FOXP1: variants seen among roughly 807,000 people sequenced by gnomAD.
FOXP1 encodes the protein forkhead box protein P1.
A neutral mutation model predicts 98.2 loss-of-function variants in FOXP1; 15 were observed. That is an observed-to-expected ratio of 0.15 (90% CI 0.10 to 0.24). The LOEUF (loss-of-function observed/expected upper bound fraction) is 0.24. Among genes scored for constraint, FOXP1 ranks in the 10% least tolerant of loss-of-function variants. The probability of loss-of-function intolerance (pLI) is 1.00; values close to 1 mark genes in which losing one functional copy is unlikely to be tolerated. For missense variants in FOXP1, 633 were observed against 848.5 expected, an observed-to-expected ratio of 0.75 and a Z score of 3.15; for synonymous variants, 371 against 314.5, an observed-to-expected ratio of 1.18 and a Z score of -1.90.
At chr3:71,157,058 C>G (rs191028478) in intron 6 of FOXP1, among the ~76,000 whole-genome samples, 1 of 152,336 alleles carries the variant, frequency 6.6e-6, no homozygotes, top group African/African-American at 2.4e-5. Flanking sequence ...AGTGGAGGAG[C>G]ATACACTTCC....
At chr3:71,571,958 A>G (rs147083802) in intron 2 of FOXP1, 329 of 152,286 alleles carry the variant, frequency 2.2e-3, no homozygotes, top group African/African-American at 7.4e-3. Context: ...TCATCTAAGT[A>G]TATCTTTATT....
chr3:71,064,447 G>A (rs2052055981), intron 7 of FOXP1, among the ~76,000 whole-genome samples: 1 of 151,700 alleles, frequency 6.6e-6, no homozygotes, highest in African/African-American at 2.4e-5. Context: ...AAAATGAATC[G>A]CAAACGAAAA....
At chr3:71,507,977 T>C (rs1367904058) in intron 2 of FOXP1, among the ~76,000 whole-genome samples, 1 of 152,176 alleles carries the variant, frequency 6.6e-6, no homozygotes, top group Non-Finnish European at 1.5e-5. Context: ...TCCAATGAAG[T>C]GTTATTATCC....
At chr3:71,081,574 C>A (rs911363122) in intron 7 of FOXP1, among the ~76,000 whole-genome samples, 7 of 152,078 alleles carry the variant, frequency 4.6e-5, no homozygotes, top group African/African-American at 1.7e-4. Flanking sequence ...ACATGAGGAA[C>A]CACAAAACTA....
At chr3:71,106,025 G>T (rs912247536) in intron 7 of FOXP1, among the ~76,000 whole-genome samples, 1 of 152,120 alleles carries the variant, frequency 6.6e-6, no homozygotes, top group Non-Finnish European at 1.5e-5. Flanking sequence ...CGGCACACTG[G>T]TTATCTGTGG....
intron 5 of FOXP1, among the ~76,000 whole-genome samples, chr3:71,220,265 A>G (rs1026180356): frequency 6.6e-6 from 1 of 152,246 alleles, no homozygotes; most frequent in Non-Finnish European, 1.5e-5. Context: ...TTATACAGCT[A>G]GAATGAAAGA....
Position 70,958,884 on chromosome 3 carries a change from G to A in FOXP1, c.*363C>T, listed in dbSNP as rs1043965585. The stretch of plus-strand genomic sequence containing the variant: ...CTTAGGTGCACAAGCTCTGTCGGGC[G>A]TCCTCAGTGTCCAACGTTGGCAGGA... On this transcript the variant is annotated 3_prime_UTR_variant, in exon 21 of 21. Coordinates refer to ENST00000649528, the MANE Select transcript of FOXP1 (RefSeq NM_001349338.3). The A allele has an allele frequency of 2.0e-5, 8 of 407,142 alleles. No individual in the cohort carries two copies. Among genetic ancestry groups the A allele is most frequent in the Admixed American group, 4.1e-5 (1 of 24,560 alleles). The allele number at this position is 407,142 out of a possible 1,614,324, so 25.2% of individuals were successfully genotyped here.
chr3:71,420,912 C>T (rs2083591944), intron 3 of FOXP1, among the ~76,000 whole-genome samples: 1 of 152,136 alleles, frequency 6.6e-6, no homozygotes. Flanking sequence ...GTTGCCCAGG[C>T]TACCATGTGA....
chr3:71,461,837 T>A (rs2088154292), intron 3 of FOXP1, among the ~76,000 whole-genome samples: 2 of 145,428 alleles, frequency 1.4e-5, no homozygotes, highest in Non-Finnish European at 2.9e-5. Context: ...AGGTAACTGC[T>A]TACAGGGACC....
intron 2 of FOXP1, among the ~76,000 whole-genome samples, chr3:71,509,911 G>C (rs2042079446): frequency 1.3e-5 from 2 of 152,136 alleles, no homozygotes; most frequent in South Asian, 4.1e-4. Context: ...AGGCACGGTG[G>C]CTCACGCCTG....
chr3:70,986,165 C>G (rs181312518), intron 14 of FOXP1, among the ~76,000 whole-genome samples: 2 of 152,150 alleles, frequency 1.3e-5, no homozygotes, highest in South Asian at 2.1e-4. Context: ...GTTCACTTCC[C>G]CCCATGCTTT....
intron 1 of FOXP1, chr3:71,582,299 AGGCGGG>A (rs1324905484): frequency 2.1e-6 from 2 of 973,656 alleles, no homozygotes; most frequent in African/African-American, 3.5e-5. Context: ...GGGAGGCGGG[AGGCGGG>A]GGCGAGGGAA....
intron 3 of FOXP1, among the ~76,000 whole-genome samples, chr3:71,382,808 A>G (rs1404494386): frequency 6.6e-6 from 1 of 152,206 alleles, no homozygotes; most frequent in East Asian, 1.9e-4. Flanking sequence ...TAATTTAAAT[A>G]CTGAAAAACA....
At chr3:71,195,630 G>A (rs1234245369) in intron 6 of FOXP1, among the ~76,000 whole-genome samples, 1 of 152,194 alleles carries the variant, frequency 6.6e-6, no homozygotes. Flanking sequence ...ATGTGCCCCT[G>A]GCGAGGAATG....
At chr3:70,960,262 C>T (rs1167541061) in intron 20 of FOXP1, among the ~76,000 whole-genome samples, 1 of 152,174 alleles carries the variant, frequency 6.6e-6, no homozygotes, top group Non-Finnish European at 1.5e-5. Flanking sequence ...TCGCTCAACA[C>T]AACAATATGA....
chr3:71,097,258 G>C (rs1288862075), intron 7 of FOXP1, among the ~76,000 whole-genome samples: 1 of 152,118 alleles, frequency 6.6e-6, no homozygotes, highest in Non-Finnish European at 1.5e-5. Flanking sequence ...AGAATGTTTT[G>C]TGATGTGAAA....
chr3:71,079,902 G>T (rs1343253649), intron 7 of FOXP1, among the ~76,000 whole-genome samples: 1 of 152,208 alleles, frequency 6.6e-6, no homozygotes, highest in African/African-American at 2.4e-5. Context: ...GAAAACTGAG[G>T]TCTAGAAACT....
chr3:71,268,228 C>G (rs1438749657), intron 5 of FOXP1, among the ~76,000 whole-genome samples: 1 of 151,264 alleles, frequency 6.6e-6, no homozygotes, highest in Non-Finnish European at 1.5e-5. Flanking sequence ...GTAGCTGGGA[C>G]TATAGGCGCC....
chr3:71,545,971 T>C (rs2045324297), intron 2 of FOXP1, among the ~76,000 whole-genome samples: 1 of 152,234 alleles, frequency 6.6e-6, no homozygotes, highest in South Asian at 2.1e-4. Flanking sequence ...AAGTCCAAAA[T>C]TCTAGCCAAC....
Sources: gnomAD v4.1 joint callset for allele counts (sites outside exome capture counted in the v4.1 genomes callset) on GRCh38, gnomAD v4.1.1 for gene constraint, MANE v1.5 for transcripts, NCBI Gene and HGNC (gene_info 2026-07-23, HGNC 2026-07-21) for gene names.